The following TTC39B variants were observed in gnomAD, a reference collection of about 807,000 sequenced individuals.
TTC39B encodes tetratricopeptide repeat domain 39B, also known as tetratricopeptide repeat protein 39B.
A neutral mutation model predicts 96.6 loss-of-function variants in TTC39B; 92 were observed. The observed-to-expected ratio is 0.95, with a 90% CI of 0.80 to 1.13. TTC39B has a LOEUF of 1.13. Ranked by LOEUF, TTC39B falls within the 50% of genes most tolerant of loss-of-function variation. The pLI, the probability that TTC39B is intolerant of heterozygous loss-of-function variation, is 0.00. For missense variants in TTC39B, 955 were observed against 809.3 expected (o/e 1.18, Z -2.18); for synonymous variants, 367 against 299.4 (o/e 1.23, Z -2.33).
intron 7 of TTC39B, among the ~76,000 whole-genome samples, chr9:15,201,301 A>C (rs1443177874): frequency 6.6e-6 from 1 of 152,078 alleles, no homozygotes; most frequent in Non-Finnish European, 1.5e-5. Flanking sequence ...AGGATTCATC[A>C]AACTTAAACT....
At chr9:15,302,761 T>C (rs1271782611) in intron 1 of TTC39B, among the ~76,000 whole-genome samples, 1 of 151,818 alleles carries the variant, frequency 6.6e-6, no homozygotes, top group Admixed American at 6.6e-5. Context: ...GGAGAATCGC[T>C]TGAACCCGGG....
rs61613376 is a variant in TTC39B at position 15,275,822 on chromosome 9, C to T, written c.241-7874G>A. ...ATGGATTAAAGGAGCAGAGGAGAAACGGAAACATAGTCCATCTTCACTCAC... is the reference window on the plus strand; with the variant it reads ...ATGGATTAAAGGAGCAGAGGAGAAATGGAAACATAGTCCATCTTCACTCAC... On this transcript the variant is annotated intron_variant, in intron 1 of 19. Transcript: ENST00000512701. 6.7e-3 allele frequency among the ~76,000 whole-genome samples: 1,015 copies of T among 152,182 alleles called. 8 individuals carry two copies. The highest frequency in any genetic ancestry group is 0.023 in the African/African-American group (967 of 41,514).
chr9:15,241,326 C>G (rs1473691359), intron 2 of TTC39B, among the ~76,000 whole-genome samples: 1 of 150,624 alleles, frequency 6.6e-6, no homozygotes, highest in South Asian at 2.1e-4. Flanking sequence ...AACAATGAAA[C>G]TGGAAAAGAT....
chr9:15,274,315 A>C (rs1019658430), intron 1 of TTC39B, among the ~76,000 whole-genome samples: 3 of 152,248 alleles, frequency 2.0e-5, no homozygotes, highest in Non-Finnish European at 4.4e-5. Context: ...CAAGTTCAAA[A>C]AGTAGTCCAT....
At position 15,191,644 on chromosome 9, in the gene TTC39B, C is replaced by A. The variant is rs140709875; in HGVS notation, c.931-389G>T. Among the ~76,000 whole-genome samples the A allele has an allele frequency of 4.1e-4, 63 of 152,208 alleles. 1 individual carries two copies. In the East Asian group the frequency reaches 0.012, roughly 28 times the overall value. On this transcript the variant is annotated intron_variant, in intron 9 of 19. Transcript: ENST00000512701. ...TGTGTAGACACCACCCAGAAGTGGA[C>A]AGCTGCAGCACTACCACTTCTCTCT...
intron 2 of TTC39B, among the ~76,000 whole-genome samples, chr9:15,246,627 C>T (rs1822291977): frequency 6.6e-6 from 1 of 152,210 alleles, no homozygotes. Flanking sequence ...GCAGTTGCTA[C>T]TTCTTGTCAT....
intron 19 of TTC39B, among the ~76,000 whole-genome samples, chr9:15,174,224 C>G (rs1031500308): frequency 4.0e-5 from 6 of 150,268 alleles, no homozygotes; most frequent in Non-Finnish European, 5.9e-5. Context: ...AGAAGTATTG[C>G]CTGCTTAGTT....
intron 2 of TTC39B, among the ~76,000 whole-genome samples, chr9:15,242,971 T>A (rs1372363154): frequency 6.6e-6 from 1 of 152,170 alleles, no homozygotes; most frequent in African/African-American, 2.4e-5. Flanking sequence ...GGCCAACCAA[T>A]GCCAGTGGAG....
chr9:15,176,130 T>A (rs545056878), intron 18 of TTC39B, among the ~76,000 whole-genome samples: 2 of 152,320 alleles, frequency 1.3e-5, no homozygotes, highest in East Asian at 3.9e-4. Flanking sequence ...AAAAAACCTT[T>A]AGGGTACCTG....
At chr9:15,184,567 G>A (rs751381044) in intron 16 of TTC39B, among the ~76,000 whole-genome samples, 106 of 152,138 alleles carry the variant, frequency 7.0e-4, no homozygotes, top group Non-Finnish European at 1.2e-3. Flanking sequence ...ATTTTTTGAA[G>A]AACACTTCAT....
chr9:15,243,399 T>A (rs1288360489), intron 2 of TTC39B, among the ~76,000 whole-genome samples: 7 of 152,110 alleles, frequency 4.6e-5, no homozygotes, highest in Non-Finnish European at 1.0e-4. Flanking sequence ...AGAATACAAG[T>A]ACATTTTCAT....
intron 1 of TTC39B, among the ~76,000 whole-genome samples, chr9:15,303,621 CAT>C (rs1293166177): frequency 6.6e-6 from 1 of 151,618 alleles, no homozygotes; most frequent in African/African-American, 2.4e-5. Context: ...ACTTTTGTTT[CAT>C]ATGAGAAAAA....
chr9:15,211,930 C>T (rs1212646075), intron 4 of TTC39B, among the ~76,000 whole-genome samples: 1 of 152,176 alleles, frequency 6.6e-6, no homozygotes, highest in Non-Finnish European at 1.5e-5. Context: ...AGTCTAATCC[C>T]ATTATCTGAA....
chr9:15,248,530 G>T (rs1213559971), intron 2 of TTC39B, among the ~76,000 whole-genome samples: 2 of 152,130 alleles, frequency 1.3e-5, no homozygotes, highest in Admixed American at 6.6e-5. Flanking sequence ...CTCCATGAGG[G>T]AAGATACAAT....
At chr9:15,183,155 A>G (rs1300672552) in intron 16 of TTC39B, among the ~76,000 whole-genome samples, 2 of 152,276 alleles carry the variant, frequency 1.3e-5, no homozygotes, top group East Asian at 3.9e-4. Context: ...ATATGATAAA[A>G]ATATAGCTTG....
At chr9:15,262,378 C>T (rs144907442) in intron 2 of TTC39B, among the ~76,000 whole-genome samples, 14 of 152,272 alleles carry the variant, frequency 9.2e-5, no homozygotes, top group Non-Finnish European at 1.6e-4. Flanking sequence ...GGATTACAGG[C>T]GTGAGCCATA....
intron 1 of TTC39B, among the ~76,000 whole-genome samples, chr9:15,291,929 G>C (rs1480083430): frequency 6.6e-6 from 1 of 152,182 alleles, no homozygotes; most frequent in Admixed American, 6.5e-5. Flanking sequence ...CTCTCTGTGA[G>C]CTTCAGTCTC....
intron 3 of TTC39B, among the ~76,000 whole-genome samples, chr9:15,219,678 C>T (rs939704890): frequency 1.3e-5 from 2 of 152,138 alleles, no homozygotes; most frequent in Non-Finnish European, 2.9e-5. Flanking sequence ...CTTTCCTCTC[C>T]CTCCTCCCCT....
intron 13 of TTC39B, among the ~76,000 whole-genome samples, chr9:15,189,155 C>A (rs1235016093): frequency 6.6e-6 from 1 of 152,118 alleles, no homozygotes; most frequent in African/African-American, 2.4e-5. Context: ...CTGACCTCGA[C>A]GCTTCGTTTT....
Sources: gnomAD v4.1 joint callset for allele counts (sites outside exome capture counted in the v4.1 genomes callset) on GRCh38, gnomAD v4.1.1 for gene constraint, MANE v1.5 for transcripts, NCBI Gene and HGNC (gene_info 2026-07-23, HGNC 2026-07-21) for gene names.